The following ZNF586 variants were observed in gnomAD, a reference collection of about 807,000 sequenced individuals.
The protein encoded by ZNF586 is zinc finger protein 586.
ZNF586 carries 7 observed loss-of-function variants against 6.7 expected under a neutral mutation model. That is an observed-to-expected ratio of 1.04 (90% CI 0.59 to 1.95). The LOEUF (loss-of-function observed/expected upper bound fraction) is 1.95. ZNF586 is among the 30% of genes most tolerant of loss of function. The pLI, the probability that ZNF586 is intolerant of heterozygous loss-of-function variation, is 0.00. For synonymous variants in ZNF586, 166 were observed against 168.7 expected (o/e 0.98, Z 0.12); for missense variants, 442 against 489.6 (o/e 0.90, Z 0.92).
chr19:57,774,109 C>T (rs1311484673), intron 1 of ZNF586, among the ~76,000 whole-genome samples: 3 of 148,386 alleles, frequency 2.0e-5, no homozygotes, highest in Non-Finnish European at 4.4e-5. Context: ...CCCAGATATT[C>T]GGGGGCTGAG....
chr19:57,771,300 G>GA (rs61324595), intron 1 of ZNF586, among the ~76,000 whole-genome samples: 137 of 133,794 alleles, frequency 1.0e-3, no homozygotes, highest in South Asian at 3.2e-3. Context: ...GACTCCGTCT[G>GA]AAAAAAAAAA....
At chr19:57,775,568 G>A (rs1383965687) in intron 1 of ZNF586, among the ~76,000 whole-genome samples, 1 of 150,128 alleles carries the variant, frequency 6.7e-6, no homozygotes, top group African/African-American at 2.5e-5. Context: ...TCTTGATTGA[G>A]CAAAGCTTAC....
At chr19:57,775,619 T>TC (rs1253525512) in intron 1 of ZNF586, among the ~76,000 whole-genome samples, 1 of 151,060 alleles carries the variant, frequency 6.6e-6, no homozygotes, top group Non-Finnish European at 1.5e-5. Context: ...TTTTTTTTTT[T>TC]TGAGACAGGG....
rs775899889 is a variant in ZNF586, at chr19:57,779,342, A to G, written c.755A>G (p.His252Arg). The change falls in exon 3 of 3, where the codon CAC becomes CGC. Residue 252 changes from histidine (H) to arginine (R), a missense_variant. Coordinates refer to ENST00000396154, the MANE Select transcript of ZNF586 (RefSeq NM_017652.4). Reference protein sequence around the residue: ...SFAENSSLIKHLRVHTGERPY... With the variant: ...SFAENSSLIKRLRVHTGERPY... ...GCTGAAAACTCCAGTCTTATTAAAC[A>G]CTTGAGAGTTCACACAGGAGAAAGG... 4 of 1,613,462 alleles carry G rather than the reference A, an allele frequency of 2.5e-6. No homozygotes were observed. In the Admixed American group the frequency reaches 6.7e-5, roughly 27 times the overall value.
intron 2 of ZNF586, among the ~76,000 whole-genome samples, chr19:57,778,117 G>A (rs1335245941): frequency 6.9e-5 from 10 of 144,094 alleles, no homozygotes; most frequent in Non-Finnish European, 1.3e-4. Context: ...TGTTGCCCAC[G>A]CTGGAGTGCA....
chr19:57,778,332 C>T (rs7251256), intron 2 of ZNF586, among the ~76,000 whole-genome samples: 2,448 of 152,142 alleles, frequency 0.016, 64 homozygotes, highest in African/African-American at 0.056. Flanking sequence ...ACCTCGGCCT[C>T]GCAAAGTGCT....
chr19:57,769,870 C>T lies in ZNF586; in HGVS notation c.28C>T (p.Pro10Ser). ...GGCGGCAGCAGCCGCTCTGAGGGCG[C>T]CTGCTCAGGTGAGCGCTGCGACCTC... MAAAAALRAPAQSSVTFEDV... is the reference protein window; with the variant it reads MAAAAALRASAQSSVTFEDV... The change falls in exon 1 of 3, where the codon CCT (proline) becomes TCT (serine). Residue 10 changes from proline (P) to serine (S), a missense_variant. Physicochemically the swap from Pro to Ser is moderately conservative, Grantham distance 74 (BLOSUM62 -1). Coordinates refer to ENST00000396154, the MANE Select transcript of ZNF586 (RefSeq NM_017652.4). The T allele has an allele frequency of 6.5e-7, 1 of 1,543,818 alleles. No homozygotes were observed.
At chr19:57,774,823 T>C in intron 1 of ZNF586, 1 of 891,494 alleles carries the variant, frequency 1.1e-6, no homozygotes, top group Non-Finnish European at 1.3e-6. Flanking sequence ...AAGGTCAGTA[T>C]CATGTGCTAC....
chr19:57,777,608 G>T (rs1773841897), intron 2 of ZNF586, among the ~76,000 whole-genome samples: 2 of 151,954 alleles, frequency 1.3e-5, no homozygotes, highest in Admixed American at 1.3e-4. Flanking sequence ...ACACCTTGTT[G>T]CTTCTGCTGT....
intron 1 of ZNF586, 25 bp downstream of exon 1, chr19:57,769,903 T>TTTG: frequency 6.8e-7 from 1 of 1,475,858 alleles, no homozygotes; most frequent in Non-Finnish European, 9.1e-7. Context: ...CTCCGGGCCT[T>TTTG]ACCCACCCTA....
At chr19:57,776,405 A>T in intron 1 of ZNF586, 138 bp from the exon 2 acceptor site, 1 of 970,854 alleles carries the variant, frequency 1.0e-6, no homozygotes, top group Non-Finnish European at 1.5e-6. Flanking sequence ...ACACAGTGGC[A>T]CTAGTGGGCA....
At chr19:57,774,482 C>A (rs1273198187) in intron 1 of ZNF586, among the ~76,000 whole-genome samples, 1 of 151,472 alleles carries the variant, frequency 6.6e-6, no homozygotes, top group East Asian at 1.9e-4. Flanking sequence ...GAGATCGCGC[C>A]ATTGCACTCC....
In ZNF586 at chr19:57,779,706, T is replaced by G; in HGVS notation, c.1119T>G (p.Tyr373Ter). Residue 373 changes from tyrosine (Y) to a stop codon, truncating the protein, a stop_gained, in exon 3 of 3, where the codon TAT (tyrosine) becomes TAG (stop). Coordinates refer to ENST00000396154, the MANE Select transcript of ZNF586 (RefSeq NM_017652.4). LOFTEE classifies it low-confidence loss of function (END_TRUNC). ...GAGTTCACACTGGAGAAAGGCCATA[T>G]GAATGCATTGATTGTGGAAAATCAT... ...HLRVHTGERPYECIDCGKSFR... is the reference protein window; with the variant it reads ...HLRVHTGERP 6.2e-7 allele frequency: 1 copy of G among 1,614,140 alleles called. No individual in the cohort carries two copies.
Position 57,780,354 on chromosome 19 carries a change from C to A in ZNF586, c.*558C>A, listed in dbSNP as rs1987356512. 2 of 153,780 alleles carry A rather than the reference C, an allele frequency of 1.3e-5. No homozygotes were observed. The highest frequency in any genetic ancestry group is 4.0e-4 in the South Asian group (2 of 4,962). The allele number at this position is 153,780 out of a possible 1,614,324, so 9.5% of individuals were successfully genotyped here. A position where few individuals can be genotyped will look rare whatever the true frequency, so the allele number is the denominator to read the frequency against. On this transcript the variant is annotated 3_prime_UTR_variant, in exon 3 of 3. Transcript: ENST00000396154. ...TTTTTTAGTATCCTCAGCACTCATT[C>A]TATTCTCATTTCTTTCTCTCCAATG...
intron 1 of ZNF586, among the ~76,000 whole-genome samples, chr19:57,771,133 C>T (rs973720096): frequency 5.3e-5 from 8 of 151,376 alleles, no homozygotes; most frequent in Non-Finnish European, 1.0e-4. Context: ...AATCCCCCCT[C>T]TACTAAAAAT....
At chr19:57,774,477 C>T (rs183673576) in intron 1 of ZNF586, among the ~76,000 whole-genome samples, 4 of 149,472 alleles carry the variant, frequency 2.7e-5, no homozygotes, top group Admixed American at 2.7e-4. Context: ...GAGCTGAGAT[C>T]GCGCCATTGC....
At position 57,769,802 on chromosome 19, in the gene ZNF586, A is replaced by G. The variant is rs1169100127; in HGVS notation, c.-41A>G. ...TCGCGACCCGGGACAGGACAACGAC[A>G]GGAACACCGCCGAGCCCGCGTTCCC... is the stretch of plus-strand genomic sequence containing the variant. On this transcript the variant is annotated 5_prime_UTR_variant, in exon 1 of 3. Coordinates refer to ENST00000396154, the MANE Select transcript of ZNF586 (RefSeq NM_017652.4). The G allele has an allele frequency of 1.3e-6, 2 of 1,541,320 alleles. No homozygotes were observed. Among genetic ancestry groups the G allele is most frequent in the Non-Finnish European group, 1.7e-6 (2 of 1,144,066 alleles).
intron 1 of ZNF586, among the ~76,000 whole-genome samples, chr19:57,774,003 G>T (rs1247110409): frequency 1.3e-5 from 2 of 151,908 alleles, no homozygotes; most frequent in Admixed American, 1.3e-4. Flanking sequence ...ATCACGTGAG[G>T]CCGGGGGTTC....
At chr19:57,770,488 G>A (rs1987069060) in intron 1 of ZNF586, among the ~76,000 whole-genome samples, 1 of 152,188 alleles carries the variant, frequency 6.6e-6, no homozygotes, top group Non-Finnish European at 1.5e-5. Flanking sequence ...GACGCTAAAA[G>A]CCATGGACAG....
Sources: allele counts gnomAD v4.1 joint callset (sites outside exome capture counted in the v4.1 genomes callset), GRCh38; gene constraint gnomAD v4.1.1; transcripts MANE v1.5; gene names NCBI Gene and HGNC (gene_info 2026-07-23, HGNC 2026-07-21).